Variants in ROBO2 observed in about 807,000 individuals in gnomAD.
ROBO2 encodes roundabout homolog 2.
Under a neutral mutation model 160.8 loss-of-function variants are expected in ROBO2, and 53 were observed. That is an observed-to-expected ratio of 0.33 (90% CI 0.26 to 0.41). ROBO2 has a LOEUF of 0.41. ROBO2 is among the 10% of genes least tolerant of loss of function. The pLI is 1.00. For missense variants in ROBO2, 1,577 were observed against 1,722.4 expected (o/e 0.92, Z 1.49); for synonymous variants, 664 against 611.7 (o/e 1.09, Z -1.26).
intron 2 of ROBO2, among the ~76,000 whole-genome samples, chr3:76,749,314 A>T (rs533269489): frequency 6.6e-6 from 1 of 151,954 alleles, no homozygotes; most frequent in African/African-American, 2.4e-5. Context: ...ATTGTACCTT[A>T]AAGTCATCTC....
chr3:76,052,442 G>A (rs2067686439), intron 2 of ROBO2, among the ~76,000 whole-genome samples: 2 of 151,852 alleles, frequency 1.3e-5, no homozygotes, highest in African/African-American at 2.4e-5. Context: ...AGTAATGTTT[G>A]CTTATGGAAT....
At chr3:76,724,549 G>C (rs1431259605) in intron 2 of ROBO2, among the ~76,000 whole-genome samples, 1 of 152,140 alleles carries the variant, frequency 6.6e-6, no homozygotes, top group Non-Finnish European at 1.5e-5. Flanking sequence ...ATGATGCCAA[G>C]AATTCCATTT....
intron 2 of ROBO2, among the ~76,000 whole-genome samples, chr3:77,403,593 TG>T (rs2076002053): frequency 2.2e-5 from 2 of 91,176 alleles, no homozygotes; most frequent in Non-Finnish European, 4.2e-5. Context: ...TGTGTGTGTG[TG>T]TGTGTGTGTG....
chr3:76,667,863 G>C (rs11720712), intron 2 of ROBO2, among the ~76,000 whole-genome samples: 41,318 of 151,782 alleles, frequency 0.27, 6,209 homozygotes, highest in East Asian at 0.52. Flanking sequence ...ATATTCTACA[G>C]CATGATTTAA....
At chr3:76,794,027 T>C (rs2063533195) in intron 2 of ROBO2, among the ~76,000 whole-genome samples, 1 of 151,958 alleles carries the variant, frequency 6.6e-6, no homozygotes, top group African/African-American at 2.4e-5. Context: ...GTTCCACCTT[T>C]CCCTGGAATA....
chr3:77,299,421 G>T (rs760332145), intron 2 of ROBO2, among the ~76,000 whole-genome samples: 5 of 152,114 alleles, frequency 3.3e-5, no homozygotes, highest in Non-Finnish European at 5.9e-5. Flanking sequence ...AAGGAAAGAG[G>T]TTTAATTGAC....
intron 2 of ROBO2, among the ~76,000 whole-genome samples, chr3:77,182,044 A>T (rs2080841629): frequency 1.3e-5 from 2 of 152,092 alleles, no homozygotes; most frequent in Admixed American, 1.3e-4. Flanking sequence ...GATATTTTGT[A>T]GATGGTTATT....
intron 2 of ROBO2, among the ~76,000 whole-genome samples, chr3:76,382,147 T>G (rs531840163): frequency 2.0e-5 from 3 of 152,290 alleles, no homozygotes; most frequent in Admixed American, 1.3e-4. Flanking sequence ...TTCGTATTTT[T>G]GGTAGAAACG....
intron 2 of ROBO2, among the ~76,000 whole-genome samples, chr3:76,941,335 A>G (rs140632008): frequency 6.6e-6 from 1 of 152,240 alleles, no homozygotes; most frequent in East Asian, 1.9e-4. Context: ...TTAATTCATC[A>G]CTGCATTTTA....
At chr3:77,522,270 T>C (rs948452608) in intron 5 of ROBO2, among the ~76,000 whole-genome samples, 1 of 151,218 alleles carries the variant, frequency 6.6e-6, no homozygotes, top group Non-Finnish European at 1.5e-5. Flanking sequence ...ATTTAAAAAT[T>C]GATTACATAC....
chr3:77,394,274 A>G (rs1332961823), intron 2 of ROBO2, among the ~76,000 whole-genome samples: 5 of 152,062 alleles, frequency 3.3e-5, no homozygotes, highest in South Asian at 2.1e-4. Context: ...CATTTGACCC[A>G]TTTCTGATTA....
At chr3:77,185,100 C>T (rs2081161579) in intron 2 of ROBO2, among the ~76,000 whole-genome samples, 1 of 151,930 alleles carries the variant, frequency 6.6e-6, no homozygotes, top group Non-Finnish European at 1.5e-5. Context: ...ACAGAATTGT[C>T]AAATATGATT....
intron 2 of ROBO2, chr3:76,435,527 A>G: frequency 1.6e-6 from 1 of 618,532 alleles, no homozygotes; most frequent in East Asian, 2.8e-5. Flanking sequence ...GGTGCTCTTA[A>G]AACTGCTTCT....
intron 1 of ROBO2, among the ~76,000 whole-genome samples, chr3:75,923,902 C>T (rs1947170556): frequency 6.6e-6 from 1 of 152,118 alleles, no homozygotes; most frequent in Non-Finnish European, 1.5e-5. Context: ...TCCAGATAAC[C>T]TTAAATATCC....
At chr3:76,149,822 C>CATA (rs1384135682) in intron 2 of ROBO2, among the ~76,000 whole-genome samples, 1 of 150,684 alleles carries the variant, frequency 6.6e-6, no homozygotes. Context: ...AAGCACACAT[C>CATA]TGTCTAAAAC....
chr3:77,373,493 C>A lies in ROBO2; in HGVS notation c.389-103921C>A, dbSNP rs140728389. ...ATACAAGATTTGACCTTTATTTTTCCATTTATTAATATCATATTTCCATGG... is the reference window on the plus strand; with the variant it reads ...ATACAAGATTTGACCTTTATTTTTCAATTTATTAATATCATATTTCCATGG... On this transcript the variant is annotated intron_variant, in intron 2 of 25. Transcript: ENST00000461745. 3.6e-3 allele frequency among the ~76,000 whole-genome samples: 550 copies of A among 151,848 alleles called. 1 individual carries two copies. The highest frequency in any genetic ancestry group is 6.4e-3 in the Non-Finnish European group (437 of 67,964).
chr3:77,149,138 C>A (rs563459111), intron 2 of ROBO2, among the ~76,000 whole-genome samples: 127 of 150,682 alleles, frequency 8.4e-4, no homozygotes, highest in African/African-American at 3.0e-3. Flanking sequence ...TGGGTTCAAG[C>A]GATTCTCCTG....
chr3:76,142,879 A>G (rs1012411681), intron 2 of ROBO2, among the ~76,000 whole-genome samples: 8 of 152,028 alleles, frequency 5.3e-5, no homozygotes, highest in Non-Finnish European at 7.4e-5. Flanking sequence ...CTTATTTCAC[A>G]TTGCAGGCCT....
At chr3:76,024,037 ATTG>A (rs1343289636) in intron 2 of ROBO2, among the ~76,000 whole-genome samples, 2 of 151,498 alleles carry the variant, frequency 1.3e-5, no homozygotes, top group African/African-American at 2.4e-5. Context: ...ATAAAAATCT[ATTG>A]TTTAACATCA....
Sources: allele counts gnomAD v4.1 joint callset (sites outside exome capture counted in the v4.1 genomes callset), GRCh38; gene constraint gnomAD v4.1.1; transcripts MANE v1.5; gene names NCBI Gene and HGNC (gene_info 2026-07-23, HGNC 2026-07-21).